The following TYW1 variants were observed in gnomAD, a reference collection of about 807,000 sequenced individuals.
TYW1 encodes the protein S-adenosyl-L-methionine-dependent tRNA 4-demethylwyosine synthase TYW1.
A neutral mutation model predicts 96.2 loss-of-function variants in TYW1; 46 were observed. That is an observed-to-expected ratio of 0.48 (90% CI 0.38 to 0.61). The LOEUF (loss-of-function observed/expected upper bound fraction) is 0.61. Among genes scored for constraint, TYW1 ranks in the 20% least tolerant of loss-of-function variants. TYW1 has a pLI of 0.00. For missense variants in TYW1, 684 were observed against 909.6 expected, an observed-to-expected ratio of 0.75 and a Z score of 3.19; for synonymous variants, 274 against 323.0, an observed-to-expected ratio of 0.85 and a Z score of 1.63.
chr7:67,059,384 T>TGA (rs946311266), intron 9 of TYW1, among the ~76,000 whole-genome samples: 1 of 151,942 alleles, frequency 6.6e-6, no homozygotes, highest in African/African-American at 2.4e-5. Context: ...ATTACAGGCG[T>TGA]GAGCCACCGT....
At chr7:67,220,488 C>G (rs1357230303) in intron 15 of TYW1, among the ~76,000 whole-genome samples, 2 of 152,116 alleles carry the variant, frequency 1.3e-5, no homozygotes, top group Non-Finnish European at 2.9e-5. Flanking sequence ...CAGGCCTAAG[C>G]CACCACGCCT....
At chr7:67,099,251 T>G (rs979330134) in intron 12 of TYW1, among the ~76,000 whole-genome samples, 3 of 152,102 alleles carry the variant, frequency 2.0e-5, no homozygotes, top group African/African-American at 7.2e-5. Context: ...AAACTGGTCT[T>G]GAACTCCTTA....
At chr7:67,098,831 A>C (rs1420794480) in intron 12 of TYW1, 113 bp downstream of exon 12, 1 of 1,201,634 alleles carries the variant, frequency 8.3e-7, no homozygotes, top group Non-Finnish European at 1.1e-6. Context: ...TACTACATAC[A>C]AATGTTGGGC....
At chr7:67,032,707 T>G (rs1158359925) in intron 7 of TYW1, among the ~76,000 whole-genome samples, 1 of 152,024 alleles carries the variant, frequency 6.6e-6, no homozygotes, top group Non-Finnish European at 1.5e-5. Context: ...GTCATGTGTT[T>G]TGAGTTGACT....
chr7:67,158,036 T>C (rs10234493), intron 13 of TYW1, among the ~76,000 whole-genome samples: 39,004 of 151,320 alleles, frequency 0.26, 5,519 homozygotes, highest in African/African-American at 0.37. Context: ...TGTAGATATT[T>C]TTTATTATGT....
At chr7:67,010,798 G>T (rs1043821957) in intron 4 of TYW1, among the ~76,000 whole-genome samples, 3 of 151,988 alleles carry the variant, frequency 2.0e-5, no homozygotes, top group African/African-American at 7.3e-5. Context: ...TAGAGATACG[G>T]TCTCACTATA....
intron 13 of TYW1, among the ~76,000 whole-genome samples, chr7:67,165,930 AAAAAT>A (rs775668032): frequency 4.6e-5 from 7 of 152,050 alleles, no homozygotes; most frequent in South Asian, 2.1e-4. Flanking sequence ...ACCCTGTCTC[AAAAAT>A]AAAATAAAAT....
At chr7:67,101,462 G>A (rs1431639955) in intron 12 of TYW1, among the ~76,000 whole-genome samples, 1 of 152,136 alleles carries the variant, frequency 6.6e-6, no homozygotes, top group Non-Finnish European at 1.5e-5. Context: ...TAAGATCACG[G>A]TTATTTCTAG....
At chr7:67,010,013 C>G (rs1251427838) in intron 4 of TYW1, among the ~76,000 whole-genome samples, 1 of 148,594 alleles carries the variant, frequency 6.7e-6, no homozygotes, top group African/African-American at 2.5e-5. Flanking sequence ...GATGGAGTCT[C>G]ACTATGTCAC....
intron 14 of TYW1, among the ~76,000 whole-genome samples, chr7:67,185,609 G>A (rs1230698439): frequency 6.6e-6 from 1 of 152,108 alleles, no homozygotes; most frequent in Non-Finnish European, 1.5e-5. Flanking sequence ...AGGGAAAAGG[G>A]GACATATTTG....
chr7:67,074,970 CAT>C (rs905890541), intron 10 of TYW1, among the ~76,000 whole-genome samples: 5 of 152,176 alleles, frequency 3.3e-5, no homozygotes, highest in Non-Finnish European at 7.4e-5. Context: ...GGACTAAAGA[CAT>C]GTGCCACCAT....
At chr7:67,080,305 C>G (rs2115752271) in intron 10 of TYW1, among the ~76,000 whole-genome samples, 1 of 152,068 alleles carries the variant, frequency 6.6e-6, no homozygotes, top group East Asian at 1.9e-4. Flanking sequence ...TGCAGTGATT[C>G]CTTTATCATT....
intron 15 of TYW1, among the ~76,000 whole-genome samples, chr7:67,197,777 T>C (rs970011454): frequency 3.3e-5 from 5 of 152,186 alleles, no homozygotes; most frequent in Non-Finnish European, 7.3e-5. Flanking sequence ...TCTTTCTTTT[T>C]CTTTTGTTTT....
chr7:67,083,316 A>G, intron 10 of TYW1, 114 bp from the exon 11 acceptor site: 1 of 998,656 alleles, frequency 1.0e-6, no homozygotes, highest in East Asian at 2.4e-5. Context: ...TTGAACTCTT[A>G]GGAGGAAACC....
chr7:67,115,240 C>CTTT (rs61078524), intron 12 of TYW1, among the ~76,000 whole-genome samples: 1 of 134,888 alleles, frequency 7.4e-6, no homozygotes. Context: ...TAAGACAGTC[C>CTTT]TTTTTTTTTT....
At chr7:66,997,017 G>A in intron 1 of TYW1, 35 bp downstream of exon 1, 2 of 1,613,530 alleles carry the variant, frequency 1.2e-6, no homozygotes, top group Non-Finnish European at 1.7e-6. Flanking sequence ...CCCTGGGGCG[G>A]CAGGGGAGGT....
intron 13 of TYW1, among the ~76,000 whole-genome samples, chr7:67,178,220 A>T (rs1799738006): frequency 6.6e-6 from 1 of 151,954 alleles, no homozygotes; most frequent in Non-Finnish European, 1.5e-5. Flanking sequence ...GTACAGTAGC[A>T]CTCATGGCAG....
chr7:67,165,653 C>T (rs1217223499), intron 13 of TYW1, among the ~76,000 whole-genome samples: 2 of 152,146 alleles, frequency 1.3e-5, no homozygotes, highest in Non-Finnish European at 1.5e-5. Flanking sequence ...TAGGGCCAGG[C>T]GTGGTGGCTC....
At chr7:67,074,984 C>T (rs1170871555) in intron 10 of TYW1, among the ~76,000 whole-genome samples, 1 of 152,278 alleles carries the variant, frequency 6.6e-6, no homozygotes, top group East Asian at 1.9e-4. Flanking sequence ...TGCCACCATG[C>T]CAGCTGATTT....
Sources: gnomAD v4.1 joint callset for allele counts (sites outside exome capture counted in the v4.1 genomes callset) on GRCh38, gnomAD v4.1.1 for gene constraint, MANE v1.5 for transcripts, NCBI Gene and HGNC (gene_info 2026-07-23, HGNC 2026-07-21) for gene names.